Variants in RGS6 observed in about 807,000 individuals in gnomAD.
RGS6 encodes regulator of G protein signaling 6, also known as regulator of G-protein signaling 6.
Under a neutral mutation model 78.5 loss-of-function variants are expected in RGS6, and 30 were observed. The ratio of observed to expected loss-of-function variants is 0.38; its 90% CI spans 0.29 to 0.52. The LOEUF is 0.52. Ranked by LOEUF, RGS6 falls within the 20% of genes least tolerant of loss-of-function variation. The pLI, the probability that RGS6 is intolerant of heterozygous loss-of-function variation, is 0.85. For synonymous variants in RGS6, 206 were observed against 206.0 expected, an observed-to-expected ratio of 1.00 and a Z score of 0.00; for missense variants, 495 against 609.7, an observed-to-expected ratio of 0.81 and a Z score of 1.98.
At chr14:72,628,058 A>C in the RGS6 span, among the ~76,000 whole-genome samples, 1 of 152,102 alleles carries the variant, frequency 6.6e-6, no homozygotes, top group Non-Finnish European at 1.5e-5. Context: ...TAATACAAAA[A>C]TAGAGTTTTA....
At chr14:72,340,007 G>T (rs1042134898) in intron 2 of RGS6, among the ~76,000 whole-genome samples, 1 of 152,046 alleles carries the variant, frequency 6.6e-6, no homozygotes. Flanking sequence ...AAATCCTCAA[G>T]GGGCCCCTCT....
chr14:72,278,963 G>A (rs920217174), intron 2 of RGS6, among the ~76,000 whole-genome samples: 1 of 152,032 alleles, frequency 6.6e-6, no homozygotes, highest in East Asian at 1.9e-4. Context: ...TTGTGCACAT[G>A]TGGAGAGAAC....
upstream of RGS6, among the ~76,000 whole-genome samples, chr14:71,929,418 T>C (rs1023796958): frequency 2.0e-5 from 3 of 152,234 alleles, no homozygotes; most frequent in African/African-American, 4.8e-5. Context: ...TATTTATGCA[T>C]AAGAAGTGAC....
chr14:72,562,682 GCTC>G lies in RGS6; in HGVS notation c.*218_*220del. ...AGAGCCTGGGCTGGGCCCGGTGGAG[GCTC>G]CTGTTTACAGCCCTCTCTTCTTTGT... is the stretch of plus-strand genomic sequence containing the variant. On this transcript the variant is annotated 3_prime_UTR_variant, in exon 18 of 18. Coordinates refer to ENST00000553525, the MANE Select transcript of RGS6 (RefSeq NM_001204424.2). The G allele has an allele frequency of 6.5e-7, 1 of 1,536,126 alleles. No individual in the cohort carries two copies. The highest frequency in any genetic ancestry group is 1.4e-5 in the African/African-American group (1 of 73,136).
At chr14:72,013,432 G>A (rs968886520) in intron 2 of RGS6, among the ~76,000 whole-genome samples, 30 of 152,164 alleles carry the variant, frequency 2.0e-4, no homozygotes, top group African/African-American at 5.8e-4. Context: ...GTAGTTTATA[G>A]GGATAGTCTG....
chr14:71,986,414 T>TA (rs1280123276), intron 2 of RGS6, among the ~76,000 whole-genome samples: 1 of 152,126 alleles, frequency 6.6e-6, no homozygotes, highest in Non-Finnish European at 1.5e-5. Context: ...TGTAATGGCT[T>TA]AAAACAAGGC....
At chr14:72,547,211 C>T (rs2153523114) in intron 17 of RGS6, 2 of 1,535,390 alleles carry the variant, frequency 1.3e-6, no homozygotes, top group South Asian at 1.2e-5. Flanking sequence ...GCAGAGGGGG[C>T]CAGAGAAAGA....
rs79551335 is a variant in RGS6, at chr14:72,026,533, G to A, written c.84+61658G>A. Among the ~76,000 whole-genome samples, 620 of 152,336 alleles carry A rather than the reference G, an allele frequency of 4.1e-3. 7 individuals are homozygous for A. Among genetic ancestry groups the A allele is most frequent in the African/African-American group, 0.014 (601 of 41,574 alleles). On this transcript the variant is annotated intron_variant, in intron 2 of 17. Transcript: ENST00000553525. Reference sequence around the variant, plus strand: ...TGACCAGTGTCAAATCCTTACTTCAGCCCATCAGGGATGCAGTTTCCAGTA... The same window carrying A: ...TGACCAGTGTCAAATCCTTACTTCAACCCATCAGGGATGCAGTTTCCAGTA...
At position 71,983,484 on chromosome 14, in the gene RGS6, G is replaced by A. The variant is rs545708460; in HGVS notation, c.84+18609G>A. Among the ~76,000 whole-genome samples, 10 of 152,252 alleles carry A rather than the reference G, an allele frequency of 6.6e-5. 1 individual carries two copies. The South Asian group carries it at 1.2e-3, about 19-fold the overall frequency. On this transcript the variant is annotated intron_variant, in intron 2 of 17. Coordinates refer to ENST00000553525, the MANE Select transcript of RGS6 (RefSeq NM_001204424.2). Reference sequence around the variant, plus strand: ...AGGAATATATTCTGTCACAGTTCAGGAGGATAGAAATCTGAAATCAAGGAC... The same window carrying A: ...AGGAATATATTCTGTCACAGTTCAGAAGGATAGAAATCTGAAATCAAGGAC...
chr14:72,114,068 G>T (rs1437736503), intron 2 of RGS6, among the ~76,000 whole-genome samples: 1 of 152,184 alleles, frequency 6.6e-6, no homozygotes, highest in African/African-American at 2.4e-5. Flanking sequence ...TCAGGTCTGA[G>T]GACTGTTGCT....
chr14:72,613,308 T>C, the RGS6 span, among the ~76,000 whole-genome samples: 1 of 152,112 alleles, frequency 6.6e-6, no homozygotes, highest in Non-Finnish European at 1.5e-5. Flanking sequence ...ACAGGGTTGG[T>C]GCCAGCCTAC....
chr14:72,271,699 A>G (rs975944683), intron 2 of RGS6, among the ~76,000 whole-genome samples: 1 of 152,244 alleles, frequency 6.6e-6, no homozygotes, highest in Non-Finnish European at 1.5e-5. Flanking sequence ...ATGGCTTAAA[A>G]CCATGTAAAT....
At chr14:72,107,194 T>A (rs1336719073) in intron 2 of RGS6, among the ~76,000 whole-genome samples, 3 of 152,026 alleles carry the variant, frequency 2.0e-5, no homozygotes, top group Middle Eastern at 3.2e-3. Flanking sequence ...TTCAAGATAC[T>A]GAATTGCTTC....
the RGS6 span, among the ~76,000 whole-genome samples, chr14:72,600,950 G>C: frequency 3.9e-5 from 6 of 152,074 alleles, no homozygotes; most frequent in Admixed American, 3.9e-4. Flanking sequence ...AAGATGAAGT[G>C]GGGGAAGGAA....
intron 2 of RGS6, among the ~76,000 whole-genome samples, chr14:72,086,035 G>T (rs17179470): frequency 0.07 from 10,591 of 151,932 alleles, 439 homozygotes; most frequent in Admixed American, 0.11. Context: ...GGATGCCAAG[G>T]CTGTGACATT....
At chr14:72,380,351 A>C (rs1239229134) in intron 3 of RGS6, among the ~76,000 whole-genome samples, 1 of 152,146 alleles carries the variant, frequency 6.6e-6, no homozygotes, top group Non-Finnish European at 1.5e-5. Context: ...GCTTCTGTAC[A>C]GTAAAGGAAA....
At chr14:72,219,120 A>C (rs2046282074) in intron 2 of RGS6, among the ~76,000 whole-genome samples, 1 of 151,976 alleles carries the variant, frequency 6.6e-6, no homozygotes, top group South Asian at 2.1e-4. Flanking sequence ...TGTGGCATTA[A>C]ATTGACCACC....
intron 2 of RGS6, among the ~76,000 whole-genome samples, chr14:72,059,648 C>A (rs1439289229): frequency 6.6e-6 from 1 of 152,112 alleles, no homozygotes; most frequent in Non-Finnish European, 1.5e-5. Context: ...TATGTTGAAG[C>A]CCTAACCCCC....
intron 2 of RGS6, among the ~76,000 whole-genome samples, chr14:71,983,360 G>C (rs1293828123): frequency 2.6e-5 from 4 of 152,214 alleles, no homozygotes; most frequent in Non-Finnish European, 5.9e-5. Flanking sequence ...TAGAAAACAG[G>C]AAGTAACTTG....
Sources: allele counts gnomAD v4.1 joint callset (sites outside exome capture counted in the v4.1 genomes callset), GRCh38; gene constraint gnomAD v4.1.1; transcripts MANE v1.5; gene names NCBI Gene and HGNC (gene_info 2026-07-23, HGNC 2026-07-21).